LMLN: variants seen among roughly 807,000 people sequenced by gnomAD.
LMLN encodes leishmanolysin like peptidase.
In LMLN, 70 loss-of-function variants were observed where a neutral mutation model predicts 92.3. The observed-to-expected ratio is 0.76, with a 90% CI of 0.63 to 0.92. The LOEUF is 0.92. LMLN is among the 40% of genes least tolerant of loss of function. LMLN has a pLI of 0.00. For synonymous variants in LMLN, 308 were observed against 296.2 expected (o/e 1.04, Z -0.41); for missense variants, 691 against 814.6 (o/e 0.85, Z 1.85).
chr3:198,032,094 T>C (rs1244147799), intron 14 of LMLN, among the ~76,000 whole-genome samples: 1 of 138,820 alleles, frequency 7.2e-6, no homozygotes, highest in East Asian at 2.0e-4. Context: ...AGAGTGAGAC[T>C]CTGACTCAAA....
At chr3:197,968,803 T>A (rs138873038) in intron 1 of LMLN, among the ~76,000 whole-genome samples, 1 of 152,366 alleles carries the variant, frequency 6.6e-6, no homozygotes, top group Non-Finnish European at 1.5e-5. Flanking sequence ...CTTAAATGTT[T>A]AGTAGAATTC....
At chr3:197,993,168 C>T (rs1223729402) in intron 9 of LMLN, among the ~76,000 whole-genome samples, 4 of 152,120 alleles carry the variant, frequency 2.6e-5, no homozygotes, top group Non-Finnish European at 5.9e-5. Flanking sequence ...ACACCCACAA[C>T]CAATCTTATA....
chr3:198,006,282 C>T (rs1332696629), intron 11 of LMLN, among the ~76,000 whole-genome samples: 1 of 152,146 alleles, frequency 6.6e-6, no homozygotes, highest in Non-Finnish European at 1.5e-5. Context: ...TAATATTCCG[C>T]AGTATGATAC....
intron 1 of LMLN, 113 bp from the exon 2 acceptor site, chr3:197,974,264 G>T: frequency 1.6e-6 from 1 of 637,656 alleles, no homozygotes; most frequent in Non-Finnish European, 2.8e-6. Flanking sequence ...ATGGGTCACA[G>T]AACTTTTTCT....
rs1207390751 is a variant in LMLN at position 198,042,428 on chromosome 3, G to A, written c.*3761G>A. 1 of 152,124 alleles carries A rather than the reference G, an allele frequency of 6.6e-6. No homozygotes were observed. The allele number at this position is 152,124 out of a possible 1,614,324, so 9.4% of individuals were successfully genotyped here. The stretch of plus-strand genomic sequence containing the variant: ...ACAGTGAAGCAGACTTTTAGAATCC[G>A]AGATGTCATTGCAGAATTATTGGTA... On this transcript the variant is annotated 3_prime_UTR_variant, in exon 16 of 16. Transcript: ENST00000330198. The surrounding 1 kb of genome is among the most constrained non-coding windows in gnomAD (Gnocchi z 4.2).
Position 198,025,683 on chromosome 3 carries a change from AT to A in LMLN, c.1656+897del, listed in dbSNP as rs1722913900. On this transcript the variant is annotated intron_variant, in intron 14 of 15. Coordinates refer to ENST00000330198, the Ensembl canonical transcript of LMLN. This position sits in a 1 kb window ranked among gnomAD's most constrained non-coding sequence, Gnocchi z 4.3. ...CCATGCCTCGCCTACTATTTCCTTA[AT>A]TATCTTATTTGCACATCTGATATTA... Among the ~76,000 whole-genome samples the A allele has an allele frequency of 6.6e-6, 1 of 152,166 alleles. No homozygotes were observed. The highest frequency in any genetic ancestry group is 1.5e-5 in the Non-Finnish European group (1 of 68,026).
At chr3:197,983,262 G>T (rs1721608318) in intron 6 of LMLN, among the ~76,000 whole-genome samples, 1 of 152,132 alleles carries the variant, frequency 6.6e-6, no homozygotes, top group Admixed American at 6.5e-5. Flanking sequence ...ACTGAGCTTG[G>T]GGTTCCTCAG....
chr3:198,007,941 A>G (rs1182140344), intron 11 of LMLN, among the ~76,000 whole-genome samples: 1 of 152,200 alleles, frequency 6.6e-6, no homozygotes, highest in African/African-American at 2.4e-5. Context: ...TTAATCATGA[A>G]TGGATATTGC....
intron 8 of LMLN, among the ~76,000 whole-genome samples, chr3:197,989,806 G>A (rs1276815873): frequency 1.3e-5 from 2 of 152,218 alleles, no homozygotes; most frequent in Admixed American, 1.3e-4. Flanking sequence ...AAGATGGCTT[G>A]AGGCCAGGAA....
At chr3:197,963,100 T>C (rs1478218357) in intron 1 of LMLN, among the ~76,000 whole-genome samples, 1 of 152,170 alleles carries the variant, frequency 6.6e-6, no homozygotes, top group African/African-American at 2.4e-5. Context: ...TTTCAATCCA[T>C]GAACATAATG....
At chr3:197,989,800 T>C (rs1345514856) in intron 8 of LMLN, among the ~76,000 whole-genome samples, 2 of 152,252 alleles carry the variant, frequency 1.3e-5, no homozygotes, top group East Asian at 1.9e-4. Flanking sequence ...GGTGGAAAGA[T>C]GGCTTGAGGC....
At chr3:197,963,684 G>T (rs1720970241) in intron 1 of LMLN, among the ~76,000 whole-genome samples, 1 of 152,076 alleles carries the variant, frequency 6.6e-6, no homozygotes, top group Non-Finnish European at 1.5e-5. Context: ...TTCTACTAGG[G>T]TTTCCTCCCT....
intron 1 of LMLN, among the ~76,000 whole-genome samples, chr3:197,965,018 A>AG (rs1234144635): frequency 1.3e-5 from 2 of 151,440 alleles, no homozygotes; most frequent in African/African-American, 4.8e-5. Flanking sequence ...AAAAAAAAAA[A>AG]AAAAAAGAAA....
chr3:197,990,615 A>G, exon 9 of LMLN: 1 of 1,605,068 alleles, frequency 6.2e-7, no homozygotes, highest in Non-Finnish European at 8.5e-7. Context: ...AGATTATGGG[A>G]TGTTCGAGAT....
rs568895775 is a variant in LMLN at position 197,985,703 on chromosome 3, G to A, written c.835-93G>A. 8.3e-4 allele frequency: 623 copies of A among 749,424 alleles called. 8 individuals carry two copies. Among genetic ancestry groups the A allele is most frequent in the South Asian group, 7.5e-3 (429 of 56,910 alleles). 46.4% of individuals were successfully genotyped at this position (749,424 alleles called of 1,614,324 possible). ...AGAAGCACTGGCGTGGTGCTTCTAC[G>A]TTCCCGTTAGTATCAGTGCTCTCTT... On this transcript the variant is annotated intron_variant, in intron 7 of 15. Coordinates refer to ENST00000330198, the Ensembl canonical transcript of LMLN.
Position 198,041,544 on chromosome 3 carries a change from T to A in LMLN, c.*2877T>A, listed in dbSNP as rs531569880. On this transcript the variant is annotated 3_prime_UTR_variant, in exon 16 of 16. Transcript: ENST00000330198. ...ATTAGGTATCTGTAAATATCCGAAA[T>A]CCAAAAAAAAGTCTGAAATCTGAAA... 10 of 152,042 alleles carry A rather than the reference T, an allele frequency of 6.6e-5. No homozygotes were observed. The South Asian group carries it at 2.1e-3, about 32-fold the overall frequency. 9.4% of individuals were successfully genotyped at this position (152,042 alleles called of 1,614,324 possible).
chr3:197,977,605 A>AT (rs2109860637), intron 5 of LMLN, among the ~76,000 whole-genome samples: 1 of 152,206 alleles, frequency 6.6e-6, no homozygotes, highest in East Asian at 1.9e-4. Context: ...TATAAAAATT[A>AT]TCAAACAATC....
At chr3:198,009,240 T>C (rs1293376679) in intron 11 of LMLN, among the ~76,000 whole-genome samples, 1 of 152,258 alleles carries the variant, frequency 6.6e-6, no homozygotes, top group Admixed American at 6.5e-5. Context: ...TATTCAAATC[T>C]GCAGTGATAA....
chr3:198,024,476 A>G (rs1320478079), intron 13 of LMLN, among the ~76,000 whole-genome samples, 182 bp from the exon 15 acceptor site: 1 of 152,182 alleles, frequency 6.6e-6, no homozygotes, highest in Non-Finnish European at 1.5e-5. Context: ...CAGCCTCACA[A>G]AACCCTGGGA....
Sources: allele counts gnomAD v4.1 joint callset (sites outside exome capture counted in the v4.1 genomes callset), GRCh38; gene constraint gnomAD v4.1.1; non-coding constraint Gnocchi (gnomAD v3.1); transcripts MANE v1.5; gene names NCBI Gene and HGNC (gene_info 2026-07-23, HGNC 2026-07-21).